COL5A2: variants seen among roughly 807,000 people sequenced by gnomAD.
The protein encoded by COL5A2 is collagen type V alpha 2 chain.
A neutral mutation model predicts 208.2 loss-of-function variants in COL5A2; 23 were observed. The ratio of observed to expected loss-of-function variants is 0.11; its 90% CI spans 0.08 to 0.16. COL5A2 has a LOEUF of 0.16. Ranked by LOEUF, COL5A2 falls within the 10% of genes least tolerant of loss-of-function variation. The pLI is 1.00. For missense variants in COL5A2, 1,590 were observed against 1,956.4 expected (o/e 0.81, Z 3.53); for synonymous variants, 625 against 628.5 (o/e 0.99, Z 0.08).
chr2:189,181,890 C>T (rs1440763435), upstream of COL5A2, among the ~76,000 whole-genome samples: 1 of 152,214 alleles, frequency 6.6e-6, no homozygotes, highest in Non-Finnish European at 1.5e-5. Context: ...CAGTTTCAAT[C>T]TCCTCTTCCC....
intron 6 of COL5A2, among the ~76,000 whole-genome samples, chr2:189,095,674 A>T (rs1686894760): frequency 6.6e-6 from 1 of 152,190 alleles, no homozygotes; most frequent in Admixed American, 6.5e-5. Flanking sequence ...GAACTCTGGA[A>T]GTCTGGTCCT....
the COL5A2 span, among the ~76,000 whole-genome samples, chr2:189,261,382 CA>C: frequency 0.045 from 6,900 of 151,980 alleles, 539 homozygotes; most frequent in African/African-American, 0.16. Context: ...AAAGTAAATA[CA>C]AAAGATGTTC....
intron 12 of COL5A2, among the ~76,000 whole-genome samples, chr2:189,082,985 T>G (rs1198787258): frequency 6.7e-6 from 1 of 148,542 alleles, no homozygotes; most frequent in African/African-American, 2.5e-5. Flanking sequence ...CAAATTTCCC[T>G]TAAAAGATAA....
At chr2:189,048,175 C>G in intron 45 of COL5A2, 34 bp downstream of exon 45, 1 of 1,600,542 alleles carries the variant, frequency 6.2e-7, no homozygotes, top group South Asian at 1.1e-5. Flanking sequence ...ATTTGCATGA[C>G]TTTAGATTTT....
the COL5A2 span, among the ~76,000 whole-genome samples, chr2:189,364,507 T>C: frequency 1.1e-4 from 16 of 152,094 alleles, no homozygotes; most frequent in Admixed American, 1.0e-3. Flanking sequence ...GCCAACATGG[T>C]GAAACCCCGT....
chr2:189,308,441 T>C, the COL5A2 span, among the ~76,000 whole-genome samples: 1 of 151,546 alleles, frequency 6.6e-6, no homozygotes, highest in South Asian at 2.1e-4. Context: ...CCAAAATACA[T>C]TTCTTCGACA....
At chr2:189,190,598 C>T (rs962805766) in intron 1 of COL5A2, among the ~76,000 whole-genome samples, 3 of 152,142 alleles carry the variant, frequency 2.0e-5, no homozygotes, top group African/African-American at 7.2e-5. Context: ...ACTTAATTTC[C>T]TAGATTTTTC....
chr2:189,307,433 AG>A, the COL5A2 span, among the ~76,000 whole-genome samples: 1 of 152,234 alleles, frequency 6.6e-6, no homozygotes, highest in African/African-American at 2.4e-5. Context: ...ATTAATAAGC[AG>A]AAAGAGGAAA....
the COL5A2 span, among the ~76,000 whole-genome samples, chr2:189,294,115 C>T: frequency 6.8e-6 from 1 of 146,840 alleles, no homozygotes; most frequent in Non-Finnish European, 1.5e-5. Flanking sequence ...AAAAAAGCAA[C>T]CCAGGTTATG....
intron 1 of COL5A2, among the ~76,000 whole-genome samples, chr2:189,204,085 G>A (rs1038121612): frequency 6.6e-6 from 1 of 152,096 alleles, no homozygotes; most frequent in Admixed American, 6.5e-5. Context: ...TTTTAGCAGA[G>A]ACGGGGTTTC....
intron 1 of COL5A2, among the ~76,000 whole-genome samples, chr2:189,124,532 G>A (rs1476821070): frequency 6.6e-6 from 1 of 152,068 alleles, no homozygotes; most frequent in Non-Finnish European, 1.5e-5. Context: ...AATGCACCAT[G>A]CTTGCTATTT....
chr2:189,042,078 C>T (rs1486462112), intron 49 of COL5A2, among the ~76,000 whole-genome samples: 1 of 152,128 alleles, frequency 6.6e-6, no homozygotes, highest in Admixed American at 6.6e-5. Flanking sequence ...CCATCATGTA[C>T]TATTATTCTG....
At chr2:189,127,682 G>A (rs1226304781) in intron 1 of COL5A2, among the ~76,000 whole-genome samples, 1 of 151,940 alleles carries the variant, frequency 6.6e-6, no homozygotes, top group African/African-American at 2.4e-5. Context: ...TGAAAAATAA[G>A]TATGTGTTAT....
intron 1 of COL5A2, among the ~76,000 whole-genome samples, chr2:189,146,007 G>A (rs542524361): frequency 1.3e-5 from 2 of 152,182 alleles, no homozygotes; most frequent in South Asian, 4.1e-4. Context: ...AAGGATTTAG[G>A]AAGGTTACAT....
At chr2:189,064,773 T>C in intron 24 of COL5A2, 118 bp from the exon 25 acceptor site, 1 of 854,902 alleles carries the variant, frequency 1.2e-6, no homozygotes, top group Admixed American at 2.0e-5. Flanking sequence ...ATCAAGGCAC[T>C]GATATAACGT....
chr2:189,296,338 T>C, the COL5A2 span, among the ~76,000 whole-genome samples: 1 of 152,230 alleles, frequency 6.6e-6, no homozygotes, highest in Non-Finnish European at 1.5e-5. Flanking sequence ...CTTCACACAT[T>C]ATGCCCATCT....
At chr2:189,211,211 CTG>C (rs1278807222) in intron 1 of COL5A2, among the ~76,000 whole-genome samples, 1 of 152,162 alleles carries the variant, frequency 6.6e-6, no homozygotes, top group East Asian at 1.9e-4. Flanking sequence ...GGGAGTAACA[CTG>C]TTCGGTATCA....
the COL5A2 span, among the ~76,000 whole-genome samples, chr2:189,407,099 G>A: frequency 6.6e-6 from 1 of 152,050 alleles, no homozygotes. Flanking sequence ...GTTAGTGGCT[G>A]TATCTCAGAA....
the COL5A2 span, among the ~76,000 whole-genome samples, chr2:189,275,827 A>G: frequency 6.6e-6 from 1 of 152,210 alleles, no homozygotes; most frequent in Non-Finnish European, 1.5e-5. Flanking sequence ...GCTATTATCC[A>G]TAATTTGGAG....
Sources: gnomAD v4.1 joint callset for allele counts (sites outside exome capture counted in the v4.1 genomes callset) on GRCh38, gnomAD v4.1.1 for gene constraint, MANE v1.5 for transcripts, NCBI Gene and HGNC (gene_info 2026-07-23, HGNC 2026-07-21) for gene names.